Variants in SAFB observed in about 807,000 individuals in gnomAD.
SAFB encodes the protein scaffold attachment factor B1.
SAFB carries 15 observed loss-of-function variants against 101.6 expected under a neutral mutation model. That is an observed-to-expected ratio of 0.15 (90% CI 0.10 to 0.23). The LOEUF is 0.23. Among genes scored for constraint, SAFB ranks in the 10% least tolerant of loss-of-function variants. SAFB has a pLI of 1.00. For synonymous variants in SAFB, 449 were observed against 407.5 expected, an observed-to-expected ratio of 1.10 and a Z score of -1.23; for missense variants, 930 against 1,104.1, an observed-to-expected ratio of 0.84 and a Z score of 2.23.
At chr19:5,646,658 G>A (rs557159814) in intron 5 of SAFB, among the ~76,000 whole-genome samples, 2 of 152,326 alleles carry the variant, frequency 1.3e-5, no homozygotes, top group South Asian at 2.1e-4. Context: ...GAAAGCATGA[G>A]GAAAGTGTAC....
At chr19:5,642,820 C>T (rs2053751905) in intron 4 of SAFB, among the ~76,000 whole-genome samples, 1 of 151,844 alleles carries the variant, frequency 6.6e-6, no homozygotes, top group Non-Finnish European at 1.5e-5. Flanking sequence ...CGCCCACCAC[C>T]AAGCCCGACT....
chr19:5,639,345 C>T (rs747131444), intron 2 of SAFB, among the ~76,000 whole-genome samples: 2 of 152,146 alleles, frequency 1.3e-5, no homozygotes, highest in Non-Finnish European at 2.9e-5. Flanking sequence ...GACATCCAAG[C>T]ATGAAGGTAT....
chr19:5,659,279 T>A (rs147542895), intron 14 of SAFB, among the ~76,000 whole-genome samples: 1,934 of 152,182 alleles, frequency 0.013, 21 homozygotes, highest in Middle Eastern at 0.024. Context: ...CACTCCAGCC[T>A]GGGCAACAAG....
chr19:5,654,260 A>C, intron 12 of SAFB, 60 bp downstream of exon 12: 1 of 1,606,312 alleles, frequency 6.2e-7, no homozygotes, highest in Non-Finnish European at 8.5e-7. Flanking sequence ...GGAGTTTGTT[A>C]GTTTGCTGTG....
chr19:5,650,471 G>C (rs933712075), intron 8 of SAFB, among the ~76,000 whole-genome samples: 2 of 152,126 alleles, frequency 1.3e-5, no homozygotes, highest in African/African-American at 4.8e-5. Context: ...GAGTGCAGTG[G>C]CGCGATCTCA....
At chr19:5,643,255 G>A (rs971998765) in intron 4 of SAFB, among the ~76,000 whole-genome samples, 1 of 152,022 alleles carries the variant, frequency 6.6e-6, no homozygotes, top group Non-Finnish European at 1.5e-5. Flanking sequence ...GTTGGCTCGT[G>A]GGGGGCCCTG....
chr19:5,651,529 A>G (rs746009282), intron 9 of SAFB, among the ~76,000 whole-genome samples: 7 of 152,170 alleles, frequency 4.6e-5, no homozygotes, highest in Non-Finnish European at 1.0e-4. Flanking sequence ...ACCTCACCTC[A>G]GCAGCTGGGG....
chr19:5,657,238 T>C lies in SAFB; in HGVS notation c.1756-3T>C. On this transcript the variant is annotated splice_polypyrimidine_tract_variant and splice_region_variant and intron_variant, in intron 13 of 20. Transcript: ENST00000588852. ...AACTTTTTAATGTTCTTTGGTGAAC[T>C]AGGCTTCCAAAAGCCAGGATCGCAA... is the stretch of plus-strand genomic sequence containing the variant. 6.2e-7 allele frequency: 1 copy of C among 1,611,864 alleles called. No homozygotes were observed.
chr19:5,646,710 G>A (rs2053834968), intron 5 of SAFB, among the ~76,000 whole-genome samples: 1 of 152,160 alleles, frequency 6.6e-6, no homozygotes, highest in South Asian at 2.1e-4. Flanking sequence ...AGTTCCCAGG[G>A]GAAGTTATAA....
At chr19:5,654,487 TG>T (rs2054010356) in intron 13 of SAFB, 31 bp downstream of exon 13, 1 of 1,281,896 alleles carries the variant, frequency 7.8e-7, no homozygotes, top group South Asian at 1.2e-5. Flanking sequence ...TAGGGTATTT[TG>T]CTCTTCTTTT....
chr19:5,650,281 T>A (rs773548129), intron 8 of SAFB, among the ~76,000 whole-genome samples: 1 of 152,178 alleles, frequency 6.6e-6, no homozygotes, highest in Non-Finnish European at 1.5e-5. Flanking sequence ...TCTTAATCAG[T>A]GTTCTAAAGG....
chr19:5,639,827 TTTTG>T (rs1168186156), intron 2 of SAFB, among the ~76,000 whole-genome samples: 5 of 151,930 alleles, frequency 3.3e-5, no homozygotes, highest in East Asian at 3.9e-4. Context: ...AGCCGAAGTG[TTTTG>T]TTTGTTTGTT....
At chr19:5,642,986 A>G (rs2053755577) in intron 4 of SAFB, among the ~76,000 whole-genome samples, 1 of 152,050 alleles carries the variant, frequency 6.6e-6, no homozygotes, top group Non-Finnish European at 1.5e-5. Flanking sequence ...TAATTCTTCT[A>G]ATAGCAACAT....
Position 5,663,946 on chromosome 19 carries a change from G to T in SAFB, c.2154-76G>T, listed in dbSNP as rs935174369. The T allele has an allele frequency of 2.7e-6, 4 of 1,500,258 alleles. No homozygotes were observed. The African/African-American group carries it at 5.5e-5, about 21-fold the overall frequency. 92.9% of individuals were successfully genotyped at this position (1,500,258 alleles called of 1,614,324 possible). ...TCATCCTGGTTCTGTGAAGTGCTAG[G>T]GGCCAGCTCCCACAAAGGTGATAGA... is the stretch of plus-strand genomic sequence containing the variant. On this transcript the variant is annotated intron_variant, in intron 15 of 20. Coordinates refer to ENST00000588852, the MANE Select transcript of SAFB (RefSeq NM_001201338.2).
At chr19:5,644,979 T>C (rs1185223245) in intron 4 of SAFB, among the ~76,000 whole-genome samples, 1 of 152,236 alleles carries the variant, frequency 6.6e-6, no homozygotes, top group Admixed American at 6.5e-5. Context: ...AGCAGGACTC[T>C]AGCCATTGCT....
intron 4 of SAFB, among the ~76,000 whole-genome samples, chr19:5,644,805 C>A (rs909421845): frequency 3.3e-5 from 5 of 152,214 alleles, no homozygotes; most frequent in Admixed American, 2.6e-4. Flanking sequence ...AGCTATTCTT[C>A]CCCTGCAAGT....
intron 17 of SAFB, chr19:5,665,365 T>A (rs1425741661): frequency 6.6e-6 from 1 of 152,190 alleles, no homozygotes; most frequent in Admixed American, 6.5e-5. Context: ...CGTCACACCT[T>A]GGTGTCACCC....
At chr19:5,628,948 T>G (rs1162501675) in intron 2 of SAFB, among the ~76,000 whole-genome samples, 3 of 152,204 alleles carry the variant, frequency 2.0e-5, no homozygotes, top group African/African-American at 7.2e-5. Flanking sequence ...TTGTTTTGTT[T>G]TTGAGGTGGG....
chr19:5,642,078 T>G (rs2053728262), intron 4 of SAFB, 132 bp downstream of exon 4: 2 of 763,970 alleles, frequency 2.6e-6, no homozygotes, highest in African/African-American at 3.4e-5. Flanking sequence ...GTCAGTTGGT[T>G]CAGATGATTC....
Sources: gnomAD v4.1 joint callset for allele counts (sites outside exome capture counted in the v4.1 genomes callset) on GRCh38, gnomAD v4.1.1 for gene constraint, MANE v1.5 for transcripts, NCBI Gene and HGNC (gene_info 2026-07-23, HGNC 2026-07-21) for gene names.